The following HS3ST5 variants were observed in gnomAD, a reference collection of about 807,000 sequenced individuals.
The protein encoded by HS3ST5 is heparan sulfate glucosamine 3-O-sulfotransferase 5.
HS3ST5 carries 10 observed loss-of-function variants against 25.4 expected under a neutral mutation model. That is an observed-to-expected ratio of 0.39 (90% CI 0.24 to 0.67). The LOEUF (loss-of-function observed/expected upper bound fraction) is 0.67. HS3ST5 is among the 30% of genes least tolerant of loss of function. The pLI, the probability that HS3ST5 is intolerant of heterozygous loss-of-function variation, is 0.44. For missense variants in HS3ST5, 324 were observed against 420.7 expected (o/e 0.77, Z 2.01); for synonymous variants, 170 against 162.4 (o/e 1.05, Z -0.36).
intron 3 of HS3ST5, among the ~76,000 whole-genome samples, chr6:114,129,854 A>T (rs562869238): frequency 4.6e-5 from 7 of 152,354 alleles, no homozygotes; most frequent in Admixed American, 4.6e-4. Flanking sequence ...ATTCTTACAG[A>T]TATTAAAGGT....
chr6:114,245,547 G>T (rs1429314571), intron 1 of HS3ST5, among the ~76,000 whole-genome samples: 1 of 152,080 alleles, frequency 6.6e-6, no homozygotes, highest in Non-Finnish European at 1.5e-5. Context: ...AGCAGAAGTG[G>T]TTTGGGGAGC....
At chr6:114,174,334 T>C (rs966912981) in intron 2 of HS3ST5, among the ~76,000 whole-genome samples, 1 of 152,094 alleles carries the variant, frequency 6.6e-6, no homozygotes, top group African/African-American at 2.4e-5. Flanking sequence ...CACAGAGTGA[T>C]GCAATTATCT....
Position 114,056,263 on chromosome 6 carries a change from T to G in HS3ST5, c.*994A>C, listed in dbSNP as rs1013808765. 6.6e-6 allele frequency: 1 copy of G among 152,170 alleles called. No homozygotes were observed. The highest frequency in any genetic ancestry group is 1.5e-5 in the Non-Finnish European group (1 of 68,040). The allele number at this position is 152,170 out of a possible 1,614,324, so 9.4% of individuals were successfully genotyped here. A position where few individuals can be genotyped will look rare whatever the true frequency, so the allele number is the denominator to read the frequency against. ...GGGTTCTTTGAGGTGGCTATTATAC[T>G]TGATTTCCAGATGGTTGAGGTTTTT... On this transcript the variant is annotated 3_prime_UTR_variant, in exon 5 of 5. Coordinates refer to ENST00000312719, the MANE Select transcript of HS3ST5 (RefSeq NM_153612.4).
intron 2 of HS3ST5, among the ~76,000 whole-genome samples, chr6:114,173,519 T>C (rs1779572061): frequency 6.6e-6 from 1 of 152,094 alleles, no homozygotes; most frequent in Non-Finnish European, 1.5e-5. Flanking sequence ...TCTCAAGAAA[T>C]TGAGCTACTT....
intron 3 of HS3ST5, among the ~76,000 whole-genome samples, chr6:114,133,971 T>TGAGAGA (rs148216053): frequency 6.7e-6 from 1 of 148,554 alleles, no homozygotes; most frequent in African/African-American, 2.5e-5. Flanking sequence ...TGTGGGAGCA[T>TGAGAGA]GAGAGAGAGA....
intron 2 of HS3ST5, among the ~76,000 whole-genome samples, chr6:114,181,884 ATGTG>A (rs71025099): frequency 3.3e-5 from 5 of 150,078 alleles, no homozygotes; most frequent in East Asian, 2.0e-4. Context: ...GTATGTGAGT[ATGTG>A]TGTGTGTGTG....
At chr6:114,193,431 C>CA (rs1488364781) in intron 2 of HS3ST5, among the ~76,000 whole-genome samples, 1 of 152,164 alleles carries the variant, frequency 6.6e-6, no homozygotes, top group African/African-American at 2.4e-5. Flanking sequence ...TCGCAGAACA[C>CA]AGAGTTTGGT....
chr6:114,287,340 G>A (rs2114761751), intron 1 of HS3ST5, among the ~76,000 whole-genome samples: 1 of 151,984 alleles, frequency 6.6e-6, no homozygotes, highest in South Asian at 2.1e-4. Flanking sequence ...GCCCAGAAAT[G>A]TTTAGTAGCT....
chr6:114,060,254 C>A (rs1453173367), intron 4 of HS3ST5, among the ~76,000 whole-genome samples: 1 of 152,254 alleles, frequency 6.6e-6, no homozygotes, highest in African/African-American at 2.4e-5. Flanking sequence ...TCTCGTGATT[C>A]GCCTGCCTCA....
intron 1 of HS3ST5, among the ~76,000 whole-genome samples, chr6:114,254,777 TACTC>T (rs1015529985): frequency 1.9e-4 from 29 of 152,266 alleles, no homozygotes; most frequent in African/African-American, 7.0e-4. Context: ...TCATGAGACT[TACTC>T]ACTACCACGA....
intron 2 of HS3ST5, among the ~76,000 whole-genome samples, chr6:114,222,014 TAAAC>T (rs1206543199): frequency 1.3e-5 from 2 of 151,850 alleles, no homozygotes; most frequent in African/African-American, 2.4e-5. Flanking sequence ...AGCTGATTAT[TAAAC>T]AAAGAAAATT....
At chr6:114,285,469 C>T (rs1447318571) in intron 1 of HS3ST5, among the ~76,000 whole-genome samples, 2 of 151,958 alleles carry the variant, frequency 1.3e-5, no homozygotes, top group Non-Finnish European at 2.9e-5. Flanking sequence ...GTGGTGTATA[C>T]GTCCAGTGAA....
At chr6:114,234,371 T>G (rs986136790) in intron 1 of HS3ST5, among the ~76,000 whole-genome samples, 9 of 151,164 alleles carry the variant, frequency 6.0e-5, no homozygotes, top group African/African-American at 2.2e-4. Flanking sequence ...ATGAAATGCA[T>G]TTTGAGAATG....
chr6:114,057,268 T>A lies in HS3ST5; in HGVS notation c.1030A>T (p.Asn344Tyr), dbSNP rs149977661. 31 of 1,611,670 alleles carry A rather than the reference T, an allele frequency of 1.9e-5. No individual in the cohort carries two copies. The Middle Eastern group carries it at 5.0e-4, about 26-fold the overall frequency. The stretch of plus-strand genomic sequence containing the variant: ...TATGACATATTATTTTAGGGCCAGT[T>A]CAATGTCCTCCCAGTGATCTGGTAA... ...KFYQITGRTL[N>Y]WP The change falls in exon 5 of 5, where the codon AAC (asparagine) becomes TAC (tyrosine). Residue 344 changes from asparagine to tyrosine, a missense_variant. By Grantham distance (143) the Asn-to-Tyr change is moderately radical. Transcript: ENST00000312719.
At chr6:114,096,422 C>T (rs1415532326) in intron 3 of HS3ST5, among the ~76,000 whole-genome samples, 3 of 152,026 alleles carry the variant, frequency 2.0e-5, no homozygotes, top group Non-Finnish European at 2.9e-5. Context: ...TACCAGTTAA[C>T]GTAGGACTTT....
chr6:114,240,009 T>TACACACACACACACACACAC (rs149926688), intron 1 of HS3ST5, among the ~76,000 whole-genome samples: 2 of 148,998 alleles, frequency 1.3e-5, no homozygotes, highest in African/African-American at 4.9e-5. Flanking sequence ...AGCACACACA[T>TACACACACACACACACACAC]ACACACACAC....
chr6:114,091,294 A>C (rs1210013654), intron 3 of HS3ST5, among the ~76,000 whole-genome samples: 7 of 152,196 alleles, frequency 4.6e-5, no homozygotes, highest in Non-Finnish European at 1.0e-4. Context: ...AAACAGTTTG[A>C]TTAAAGCCAC....
At chr6:114,192,605 C>T (rs1008257244) in intron 2 of HS3ST5, among the ~76,000 whole-genome samples, 5 of 152,122 alleles carry the variant, frequency 3.3e-5, no homozygotes, top group Admixed American at 2.0e-4. Context: ...CAAGAGCCAA[C>T]TGTCCTGTAA....
intron 2 of HS3ST5, among the ~76,000 whole-genome samples, chr6:114,182,754 C>T (rs970866394): frequency 1.1e-4 from 17 of 152,272 alleles, no homozygotes; most frequent in African/African-American, 4.1e-4. Context: ...TTATACCAGC[C>T]TGTGATTTAC....
Sources: gnomAD v4.1 joint callset for allele counts (sites outside exome capture counted in the v4.1 genomes callset) on GRCh38, gnomAD v4.1.1 for gene constraint, MANE v1.5 for transcripts, NCBI Gene and HGNC (gene_info 2026-07-23, HGNC 2026-07-21) for gene names.